Variants in KCTD8 observed in about 807,000 individuals in gnomAD.
The protein encoded by KCTD8 is BTB/POZ domain-containing protein KCTD8.
In KCTD8, 27 loss-of-function variants were observed where a neutral mutation model predicts 31.5. That is an observed-to-expected ratio of 0.86 (90% CI 0.63 to 1.18). KCTD8 has a LOEUF of 1.18. Ranked by LOEUF, KCTD8 falls within the 50% of genes most tolerant of loss-of-function variation. The pLI is 0.00. For synonymous variants in KCTD8, 290 were observed against 280.0 expected, an observed-to-expected ratio of 1.04 and a Z score of -0.36; for missense variants, 658 against 647.7, an observed-to-expected ratio of 1.02 and a Z score of -0.17.
intron 1 of KCTD8, among the ~76,000 whole-genome samples, chr4:44,258,900 C>T (rs1409153361): frequency 6.6e-6 from 1 of 151,818 alleles, no homozygotes; most frequent in East Asian, 1.9e-4. Flanking sequence ...GTCTCAGTTT[C>T]TTCATCTGTA....
rs187998207 is a variant in KCTD8, at chr4:44,264,737, C to T, written c.962-89487G>A. 9.0e-3 allele frequency among the ~76,000 whole-genome samples: 1,375 copies of T among 152,284 alleles called. 18 individuals are homozygous for T. Among genetic ancestry groups the T allele is most frequent in the African/African-American group, 0.031 (1,287 of 41,560 alleles). ...AAATGGCACACCAGGAGATTATATC[C>T]CGCACATGGCTCGGAGGGTCCTACA... is the stretch of plus-strand genomic sequence containing the variant. On this transcript the variant is annotated intron_variant, in intron 1 of 1. Coordinates refer to ENST00000360029, the MANE Select transcript of KCTD8 (RefSeq NM_198353.3).
At chr4:44,329,674 CT>C (rs1718542518) in intron 1 of KCTD8, among the ~76,000 whole-genome samples, 1 of 151,828 alleles carries the variant, frequency 6.6e-6, no homozygotes, top group Non-Finnish European at 1.5e-5. Context: ...CCAAGACAAA[CT>C]TTTGTAGTAT....
At chr4:44,223,159 C>T (rs17599346) in intron 1 of KCTD8, among the ~76,000 whole-genome samples, 18,191 of 152,126 alleles carry the variant, frequency 0.12, 1,375 homozygotes, top group East Asian at 0.24. Context: ...CCCAGAAAAA[C>T]GTCTGAAGAC....
intron 1 of KCTD8, among the ~76,000 whole-genome samples, chr4:44,290,902 C>A (rs562344572): frequency 1.3e-5 from 2 of 151,708 alleles, no homozygotes; most frequent in Middle Eastern, 3.4e-3. Context: ...CCTAGAGGAA[C>A]CAGGGGAAAA....
chr4:44,334,107 T>C (rs1387954), intron 1 of KCTD8, among the ~76,000 whole-genome samples: 66,742 of 151,748 alleles, frequency 0.44, 14,907 homozygotes, highest in Middle Eastern at 0.59. Context: ...ATAGCTATAG[T>C]ATATTGAACT....
chr4:44,377,082 A>T (rs1719935083), intron 1 of KCTD8, among the ~76,000 whole-genome samples: 1 of 152,202 alleles, frequency 6.6e-6, no homozygotes. Flanking sequence ...CTACTGTTAA[A>T]CAAAATTATG....
At chr4:44,296,347 T>C (rs530490309) in intron 1 of KCTD8, among the ~76,000 whole-genome samples, 117 of 152,098 alleles carry the variant, frequency 7.7e-4, no homozygotes, top group African/African-American at 2.7e-3. Context: ...TAAATCCCTT[T>C]AAGAGAAGAC....
intron 1 of KCTD8, among the ~76,000 whole-genome samples, chr4:44,298,102 T>C (rs1214074999): frequency 6.6e-6 from 1 of 152,114 alleles, no homozygotes; most frequent in Non-Finnish European, 1.5e-5. Flanking sequence ...AAAATGTGTA[T>C]AGAATGATAA....
intron 1 of KCTD8, among the ~76,000 whole-genome samples, chr4:44,341,254 C>T (rs1268271536): frequency 6.6e-6 from 1 of 152,170 alleles, no homozygotes; most frequent in East Asian, 1.9e-4. Flanking sequence ...AAGTCCAAAT[C>T]CTTTTGCTGG....
chr4:44,176,265 C>G (rs1164425212), intron 1 of KCTD8, among the ~76,000 whole-genome samples: 1 of 152,108 alleles, frequency 6.6e-6, no homozygotes, highest in Non-Finnish European at 1.5e-5. Flanking sequence ...CCCAGGGGTT[C>G]TATTGTGCAG....
chr4:44,192,527 A>G (rs975520700), intron 1 of KCTD8, among the ~76,000 whole-genome samples: 8 of 151,534 alleles, frequency 5.3e-5, no homozygotes, highest in Non-Finnish European at 1.5e-5. Flanking sequence ...GAACTGATAA[A>G]TAATTATGCA....
At chr4:44,313,536 T>C (rs1259549814) in intron 1 of KCTD8, among the ~76,000 whole-genome samples, 1 of 152,212 alleles carries the variant, frequency 6.6e-6, no homozygotes, top group Non-Finnish European at 1.5e-5. Context: ...CTCCTACCTG[T>C]TAATGATTAG....
intron 1 of KCTD8, among the ~76,000 whole-genome samples, chr4:44,367,816 T>C (rs1366404195): frequency 6.6e-6 from 1 of 151,620 alleles, no homozygotes; most frequent in Admixed American, 6.6e-5. Context: ...AAGATACTCA[T>C]GATTTGATAT....
At chr4:44,336,389 A>C (rs1007482392) in intron 1 of KCTD8, among the ~76,000 whole-genome samples, 1 of 151,742 alleles carries the variant, frequency 6.6e-6, no homozygotes, top group Admixed American at 6.6e-5. Context: ...ATAGGTTTCA[A>C]TACCACCCAA....
intron 1 of KCTD8, among the ~76,000 whole-genome samples, chr4:44,329,046 G>A (rs1000195517): frequency 3.3e-5 from 5 of 151,770 alleles, no homozygotes; most frequent in African/African-American, 1.2e-4. Context: ...TGGGATCATG[G>A]TTAGGCACCA....
At chr4:44,392,172 T>C (rs928118427) in intron 1 of KCTD8, among the ~76,000 whole-genome samples, 8 of 152,064 alleles carry the variant, frequency 5.3e-5, no homozygotes, top group Non-Finnish European at 1.0e-4. Flanking sequence ...ACTAGGTTTA[T>C]AGGTTTTTAC....
chr4:44,285,411 G>A (rs991593142), intron 1 of KCTD8, among the ~76,000 whole-genome samples: 3 of 151,984 alleles, frequency 2.0e-5, no homozygotes, highest in Non-Finnish European at 4.4e-5. Context: ...TCATAAGTGG[G>A]AGTCGAACAA....
chr4:44,289,029 T>C lies in KCTD8; in HGVS notation c.962-113779A>G, dbSNP rs192993093. 5.3e-3 allele frequency among the ~76,000 whole-genome samples: 796 copies of C among 151,582 alleles called. 5 individuals carry two copies. Among genetic ancestry groups the C allele is most frequent in the Middle Eastern group, 0.021 (6 of 284 alleles). ...TTAGTCTTATTAATTTTCATCTTTT[T>C]TATTTAGTTTTATTTATCTGCATAT... is the stretch of plus-strand genomic sequence containing the variant. On this transcript the variant is annotated intron_variant, in intron 1 of 1. Coordinates refer to ENST00000360029, the MANE Select transcript of KCTD8 (RefSeq NM_198353.3).
chr4:44,372,831 C>T (rs1363927342), intron 1 of KCTD8, among the ~76,000 whole-genome samples: 4 of 152,172 alleles, frequency 2.6e-5, no homozygotes. Context: ...TTACAAGTTG[C>T]ATGCTTGCTG....
Sources: allele counts gnomAD v4.1 joint callset (sites outside exome capture counted in the v4.1 genomes callset), GRCh38; gene constraint gnomAD v4.1.1; transcripts MANE v1.5; gene names NCBI Gene and HGNC (gene_info 2026-07-23, HGNC 2026-07-21).